MGAT5: variants seen among roughly 807,000 people sequenced by gnomAD.
MGAT5 encodes alpha-1,6-mannosylglycoprotein 6-beta-N-acetylglucosaminyltransferase A.
In MGAT5, 30 loss-of-function variants were observed where a neutral mutation model predicts 94.3. The observed-to-expected ratio is 0.32, with a 90% CI of 0.24 to 0.43. The LOEUF (loss-of-function observed/expected upper bound fraction) is 0.43. Ranked by LOEUF, MGAT5 falls within the 20% of genes least tolerant of loss-of-function variation. The probability of loss-of-function intolerance (pLI) is 1.00; values close to 1 mark genes in which losing one functional copy is unlikely to be tolerated. For missense variants in MGAT5, 691 were observed against 905.5 expected (o/e 0.76, Z 3.04); for synonymous variants, 310 against 322.9 (o/e 0.96, Z 0.43).
At chr2:134,433,318 C>T (rs1322238664) in intron 14 of MGAT5, among the ~76,000 whole-genome samples, 3 of 152,210 alleles carry the variant, frequency 2.0e-5, no homozygotes, top group East Asian at 3.8e-4. Flanking sequence ...GTTATATCCA[C>T]GTTTTGACTA....
rs869116395 is a variant in MGAT5 at position 134,209,152 on chromosome 2, ATTTTTT to A, written c.-142-45098_-142-45093del. Among the ~76,000 whole-genome samples, 8 of 20,780 alleles carry A rather than the reference ATTTTTT, an allele frequency of 3.8e-4. 2 individuals carry two copies. The highest frequency in any genetic ancestry group is 1.6e-3 in the Admixed American group (2 of 1,274). The allele number at this position is 20,780 out of a possible 152,430, so 13.6% of individuals were successfully genotyped here. ...TATAGAACTGGCTTATTTTTTTTTT[ATTTTTT>A]TTTTTTTTTTTATTTTTTTTTTTAT... On this transcript the variant is annotated intron_variant, in intron 1 of 16. Transcript: ENST00000409645.
In MGAT5 at chr2:134,145,214, C is replaced by CTCTCTGTGTGTGTGTGTG. The variant is rs373377770; in HGVS notation, c.-143+24924_-143+24925insCTCTGTGTGTGTGTGTGT. On this transcript the variant is annotated intron_variant, in intron 1 of 16. Transcript: ENST00000409645. ...GTAAGGTGTGTGTGTGTCTCTCTCT[C>CTCTCTGTGTGTGTGTGTG]TGTGTGTGTGTGTGTGTGTGTGTGT... Among the ~76,000 whole-genome samples the CTCTCTGTGTGTGTGTGTG allele has an allele frequency of 5.1e-3, 727 of 143,856 alleles. 3 individuals are homozygous for CTCTCTGTGTGTGTGTGTG. The highest frequency in any genetic ancestry group is 0.011 in the Middle Eastern group (3 of 276). The allele number at this position is 143,856 out of a possible 152,430, so 94.4% of individuals were successfully genotyped here.
intron 1 of MGAT5, among the ~76,000 whole-genome samples, chr2:134,153,627 T>C (rs1322211954): frequency 6.6e-6 from 1 of 152,202 alleles, no homozygotes; most frequent in Non-Finnish European, 1.5e-5. Context: ...CATGTTGTTA[T>C]TAATCCTGTT....
chr2:134,230,030 G>C (rs1031480855), intron 1 of MGAT5, among the ~76,000 whole-genome samples: 1 of 152,206 alleles, frequency 6.6e-6, no homozygotes, highest in South Asian at 2.1e-4. Flanking sequence ...AAAGATGGGG[G>C]AAGTGAAGGA....
intron 1 of MGAT5, among the ~76,000 whole-genome samples, chr2:134,146,425 T>C (rs989682991): frequency 1.3e-5 from 2 of 151,866 alleles, no homozygotes; most frequent in Admixed American, 1.3e-4. Flanking sequence ...CCAGGTGTGG[T>C]GTCATGAGCC....
At chr2:134,408,801 A>T (rs1233605964) in intron 11 of MGAT5, among the ~76,000 whole-genome samples, 1 of 152,222 alleles carries the variant, frequency 6.6e-6, no homozygotes, top group African/African-American at 2.4e-5. Context: ...TTTTCTTCAT[A>T]CCCAGCCCCT....
At chr2:134,281,641 C>T (rs1451158530) in intron 2 of MGAT5, among the ~76,000 whole-genome samples, 2 of 152,158 alleles carry the variant, frequency 1.3e-5, no homozygotes, top group Admixed American at 1.3e-4. Context: ...AGTTGTATGG[C>T]TCCTGTGCTA....
chr2:134,346,071 T>C (rs1688910492), intron 8 of MGAT5, among the ~76,000 whole-genome samples: 1 of 152,186 alleles, frequency 6.6e-6, no homozygotes, highest in South Asian at 2.1e-4. Flanking sequence ...ACCTTTTGCA[T>C]GAGGTGTTTT....
intron 1 of MGAT5, among the ~76,000 whole-genome samples, chr2:134,225,176 T>G (rs1215032267): frequency 6.6e-6 from 1 of 151,830 alleles, no homozygotes; most frequent in Non-Finnish European, 1.5e-5. Context: ...ACAAGAGCTC[T>G]GCTAACTCAA....
intron 14 of MGAT5, among the ~76,000 whole-genome samples, chr2:134,439,841 A>T (rs1227115445): frequency 3.9e-5 from 6 of 152,138 alleles, no homozygotes; most frequent in Non-Finnish European, 8.8e-5. Context: ...GCAGCATGAG[A>T]CCCTCATATC....
chr2:134,249,895 G>A (rs961864089), upstream of MGAT5, among the ~76,000 whole-genome samples: 6 of 152,234 alleles, frequency 3.9e-5, no homozygotes, highest in Non-Finnish European at 8.8e-5. Context: ...GTAGATGAGG[G>A]TTCCAATTTC....
intron 1 of MGAT5, among the ~76,000 whole-genome samples, chr2:134,154,612 C>A (rs955958613): frequency 1.3e-5 from 2 of 152,190 alleles, no homozygotes; most frequent in African/African-American, 4.8e-5. Flanking sequence ...TACCCCACAA[C>A]ACTCTTTTTA....
intron 6 of MGAT5, among the ~76,000 whole-genome samples, chr2:134,341,066 G>T (rs1688597867): frequency 6.6e-6 from 1 of 152,154 alleles, no homozygotes; most frequent in African/African-American, 2.4e-5. Context: ...ATTTACAGAT[G>T]AAAGGATATG....
chr2:134,312,394 C>T (rs1264320620), intron 2 of MGAT5, among the ~76,000 whole-genome samples: 1 of 152,204 alleles, frequency 6.6e-6, no homozygotes, highest in Non-Finnish European at 1.5e-5. Flanking sequence ...CTGCAGCTTC[C>T]TGCTGTTTTC....
intron 1 of MGAT5, among the ~76,000 whole-genome samples, chr2:134,182,009 A>G (rs1335674858): frequency 1.3e-5 from 2 of 152,210 alleles, no homozygotes; most frequent in African/African-American, 4.8e-5. Context: ...AGGAGATTTT[A>G]TGTGTGATTA....
Position 134,334,094 on chromosome 2 carries a change from G to A in MGAT5, c.574-2123G>A, listed in dbSNP as rs113357056. 5.7e-3 allele frequency among the ~76,000 whole-genome samples: 861 copies of A among 152,166 alleles called. 12 individuals are homozygous for A. The highest frequency in any genetic ancestry group is 0.019 in the African/African-American group (806 of 41,516). On this transcript the variant is annotated intron_variant, in intron 4 of 15. Coordinates refer to ENST00000281923, the MANE Select transcript of MGAT5 (RefSeq NM_002410.5). ...AAAATTTCTTGCTAAAAGCTAAATT[G>A]GATTGACTCTATATTTTATATTTTC...
chr2:134,303,665 T>C (rs1003403564), intron 2 of MGAT5, among the ~76,000 whole-genome samples: 5 of 152,142 alleles, frequency 3.3e-5, no homozygotes, highest in African/African-American at 1.2e-4. Context: ...TTGTGAATAC[T>C]TTGAACTTTT....
At chr2:134,322,758 A>G (rs753201892) in intron 4 of MGAT5, among the ~76,000 whole-genome samples, 2 of 151,968 alleles carry the variant, frequency 1.3e-5, no homozygotes, top group Non-Finnish European at 2.9e-5. Context: ...ATTTAAGTTA[A>G]CTCTGAAACC....
chr2:134,391,888 G>A (rs890182225), intron 10 of MGAT5, among the ~76,000 whole-genome samples: 3 of 152,198 alleles, frequency 2.0e-5, no homozygotes, highest in Admixed American at 2.0e-4. Context: ...ATTACCTGAA[G>A]AGTCCAGGTG....
Sources: gnomAD v4.1 joint callset for allele counts (sites outside exome capture counted in the v4.1 genomes callset) on GRCh38, gnomAD v4.1.1 for gene constraint, MANE v1.5 for transcripts, NCBI Gene and HGNC (gene_info 2026-07-23, HGNC 2026-07-21) for gene names.